MCM3AP: variants seen among roughly 807,000 people sequenced by gnomAD.
MCM3AP encodes the protein minichromosome maintenance complex component 3 associated protein.
MCM3AP carries 126 observed loss-of-function variants against 184.1 expected under a neutral mutation model. The observed-to-expected ratio is 0.68, with a 90% CI of 0.59 to 0.79. MCM3AP has a LOEUF of 0.79. MCM3AP is among the 30% of genes least tolerant of loss of function. The probability of loss-of-function intolerance (pLI) is 0.00; values close to 1 mark genes in which losing one functional copy is unlikely to be tolerated. For missense variants in MCM3AP, 2,496 were observed against 2,479.2 expected (o/e 1.01, Z -0.14); for synonymous variants, 1,002 against 979.3 (o/e 1.02, Z -0.43).
chr21:46,265,654 G>T, intron 11 of MCM3AP, 131 bp from the exon 12 acceptor site: 1 of 784,012 alleles, frequency 1.3e-6, no homozygotes, highest in Non-Finnish European at 2.0e-6. Context: ...CCCTCCAGGA[G>T]ACCAGCTACG....
rs953642225 is a variant in MCM3AP, at chr21:46,276,189, T to C, written c.1859-864A>G. On this transcript the variant is annotated intron_variant, in intron 5 of 27. Coordinates refer to ENST00000291688, the MANE Select transcript of MCM3AP (RefSeq NM_003906.5). ...ATCACTTGAACCCGGGAGGCGGACG[T>C]TGCAGTGAGCTGACGTTGCGCTCAC... Among the ~76,000 whole-genome samples, 179 of 151,936 alleles carry C rather than the reference T, an allele frequency of 1.2e-3. 1 individual carries two copies. Among genetic ancestry groups the C allele is most frequent in the Non-Finnish European group, 1.8e-3 (123 of 67,972 alleles).
At chr21:46,283,004 C>A (rs1052627134) in intron 2 of MCM3AP, among the ~76,000 whole-genome samples, 3 of 151,554 alleles carry the variant, frequency 2.0e-5, no homozygotes, top group African/African-American at 7.3e-5. Context: ...CGGCTCACTG[C>A]AACCGCCGCC....
intron 4 of MCM3AP, among the ~76,000 whole-genome samples, chr21:46,278,157 A>ACC (rs1267311779): frequency 8.4e-6 from 1 of 118,706 alleles, no homozygotes; most frequent in African/African-American, 3.0e-5. Context: ...CTAACTTACC[A>ACC]CCCCCCGAAA....
chr21:46,245,205 G>T lies in MCM3AP; in HGVS notation c.4648-8C>A, dbSNP rs1380359242. ...CTGCACTGCTTGCAAAACCTGAGAA[G>T]AAAGAAGAGACTTGGTTGAACAATT... On this transcript the variant is annotated splice_polypyrimidine_tract_variant and splice_region_variant and intron_variant, in intron 22 of 27. Coordinates refer to ENST00000291688, the MANE Select transcript of MCM3AP (RefSeq NM_003906.5). The T allele has an allele frequency of 9.0e-6, 6 of 665,198 alleles. No homozygotes were observed. In the Admixed American group the frequency reaches 2.6e-4, roughly 29 times the overall value. The allele number at this position is 665,198 out of a possible 1,614,324, so 41.2% of individuals were successfully genotyped here. A position where few individuals can be genotyped will look rare whatever the true frequency, so the allele number is the denominator to read the frequency against.
At chr21:46,247,949 TAAAC>T (rs2080803090) in intron 20 of MCM3AP, among the ~76,000 whole-genome samples, 1 of 151,442 alleles carries the variant, frequency 6.6e-6, no homozygotes, top group African/African-American at 2.4e-5. Flanking sequence ...TCTACAAAAA[TAAAC>T]AAAAATATAA....
In MCM3AP at chr21:46,264,156, A is replaced by C; in HGVS notation, c.3296T>G (p.Val1099Gly). Residue 1099 changes from valine (V) to glycine (G), a missense_variant, in exon 13 of 28, where the codon GTT (valine) becomes GGT (glycine). Around this residue, in one of 5 missense-constraint regions of MCM3AP, gnomAD observed 1,323 missense variants for 1,273.4 expected, o/e 1.04. Coordinates refer to ENST00000291688, the MANE Select transcript of MCM3AP (RefSeq NM_003906.5). ...QEALQRDCEE[V>G]GSAGAAYAAA... Reference sequence around the variant, plus strand: ...TGCGTAGGCAGCACCCGCAGAGCCAACTTCCTCACAGTCCCTCTGCAGGGC... The same window carrying C: ...TGCGTAGGCAGCACCCGCAGAGCCACCTTCCTCACAGTCCCTCTGCAGGGC... 1 of 1,613,964 alleles carries C rather than the reference A, an allele frequency of 6.2e-7. No homozygotes were observed. Among genetic ancestry groups the C allele is most frequent in the Non-Finnish European group, 8.5e-7 (1 of 1,179,958 alleles).
chr21:46,256,514 C>T (rs1569063483), intron 17 of MCM3AP: 2 of 494,874 alleles, frequency 4.0e-6, no homozygotes, highest in Admixed American at 3.4e-5. Flanking sequence ...GAAAAGAACA[C>T]GTGATGCAGA....
In MCM3AP at chr21:46,266,022, G is replaced by T. The variant is rs1383810474; in HGVS notation, c.2934C>A (p.Thr978=). 6.2e-7 allele frequency: 1 copy of T among 1,611,824 alleles called. No individual in the cohort carries two copies. Among genetic ancestry groups the T allele is most frequent in the African/African-American group, 1.3e-5 (1 of 74,894 alleles). ...TCTGGGAGTTGAAGCTGCACACAGG[G>T]GTATGACGAGGGACGGGGGGCAATG... ...GGPLPPVPRH[T]PVCSFNSQNK... is the part of the protein sequence containing the mutation. The change falls in exon 11 of 28, where the codon ACC becomes ACA. Residue 978 remains threonine, a synonymous_variant. Transcript: ENST00000291688.
intron 19 of MCM3AP, 198 bp downstream of exon 19, chr21:46,254,194 G>A: frequency 1.6e-6 from 1 of 621,470 alleles, no homozygotes; most frequent in Non-Finnish European, 2.8e-6. Context: ...CAAGTTTATG[G>A]AATAAAAATT....
chr21:46,266,551 T>TGTAA (rs930287057), intron 10 of MCM3AP: 4 of 227,962 alleles, frequency 1.8e-5, no homozygotes, highest in African/African-American at 9.1e-5. Flanking sequence ...GGGTGTTGAG[T>TGTAA]GTAAGCTGCC....
intron 5 of MCM3AP, 73 bp downstream of exon 5, chr21:46,277,454 T>C (rs927769624): frequency 1.2e-5 from 15 of 1,223,284 alleles, no homozygotes; most frequent in Admixed American, 2.7e-5. Context: ...GGAAAGGAGT[T>C]GCTCCTGCCC....
chr21:46,258,737 A>ATGTGTGTG (rs55695472), intron 16 of MCM3AP, among the ~76,000 whole-genome samples: 8 of 150,198 alleles, frequency 5.3e-5, no homozygotes, highest in South Asian at 2.1e-4. Context: ...CTTATATTGT[A>ATGTGTGTG]TGTGTGTGTG....
intron 9 of MCM3AP, among the ~76,000 whole-genome samples, chr21:46,269,473 A>G (rs2081154504): frequency 6.6e-6 from 1 of 152,198 alleles, no homozygotes; most frequent in Non-Finnish European, 1.5e-5. Flanking sequence ...ACTCCAGAAT[A>G]TCAGTTCTGT....
At chr21:46,269,118 T>G (rs774586482) in intron 9 of MCM3AP, among the ~76,000 whole-genome samples, 1 of 152,164 alleles carries the variant, frequency 6.6e-6, no homozygotes, top group South Asian at 2.1e-4. Flanking sequence ...ACATTAACTA[T>G]GTTTTATTTT....
At chr21:46,267,800 A>T (rs1322936097) in intron 9 of MCM3AP, 1 of 152,348 alleles carries the variant, frequency 6.6e-6, no homozygotes, top group Non-Finnish European at 1.5e-5. Flanking sequence ...GGGAGGCTAA[A>T]GTGGGAGGAC....
rs17182732 is a variant in MCM3AP at position 46,273,898 on chromosome 21, C to T, written c.1999-313G>A. On this transcript the variant is annotated intron_variant, in intron 6 of 27. Transcript: ENST00000291688. ...ACGGGACAGGGAAGGGCCTCAAGCA[C>T]TTAAAAGGTCTCAGGCCCGCTCACA... Among the ~76,000 whole-genome samples, 66 of 152,318 alleles carry T rather than the reference C, an allele frequency of 4.3e-4. No homozygotes were observed. The Middle Eastern group carries it at 0.01, about 24-fold the overall frequency.
At position 46,273,371 on chromosome 21, in the gene MCM3AP, T is replaced by C. The variant is rs1601536246; in HGVS notation, c.2196+17A>G. On this transcript the variant is annotated intron_variant, in intron 7 of 27. Coordinates refer to ENST00000291688, the MANE Select transcript of MCM3AP (RefSeq NM_003906.5). ...TTGCGTGGATTTTTTAGCATCCAGG[T>C]TGGAGGCAGCCAATACCTTCCGTAT... 2 of 1,609,844 alleles carry C rather than the reference T, an allele frequency of 1.2e-6. No homozygotes were observed. The highest frequency in any genetic ancestry group is 1.7e-6 in the Non-Finnish European group (2 of 1,176,322).
intron 9 of MCM3AP, among the ~76,000 whole-genome samples, chr21:46,269,013 G>A (rs2081147294): frequency 6.6e-6 from 1 of 152,120 alleles, no homozygotes; most frequent in African/African-American, 2.4e-5. Context: ...ACTCCAGCCT[G>A]GGCAACAGAG....
At position 46,241,102 on chromosome 21, in the gene MCM3AP, T is replaced by C. The variant is rs74563188; in HGVS notation, c.5427-85A>G. ...TAAAGCATGTAGATACATTTGCACATGTGCATTAACATGTAAGAACATGTG... is the reference window on the plus strand; with the variant it reads ...TAAAGCATGTAGATACATTTGCACACGTGCATTAACATGTAAGAACATGTG... On this transcript the variant is annotated intron_variant, in intron 25 of 27. Transcript: ENST00000291688. 3.7e-4 allele frequency: 368 copies of C among 1,001,960 alleles called. 1 individual carries two copies. Among genetic ancestry groups the C allele is most frequent in the Non-Finnish European group, 5.2e-4 (341 of 651,096 alleles). 62.1% of individuals were successfully genotyped at this position (1,001,960 alleles called of 1,614,324 possible). A position where few individuals can be genotyped will look rare whatever the true frequency, so the allele number is the denominator to read the frequency against.
Sources: gnomAD v4.1 joint callset for allele counts (sites outside exome capture counted in the v4.1 genomes callset) on GRCh38, gnomAD v4.1.1 for gene constraint, gnomAD v4.1.1 regional missense constraint, MANE v1.5 for transcripts, NCBI Gene and HGNC (gene_info 2026-07-23, HGNC 2026-07-21) for gene names.